Variants in DNAH11 observed in about 807,000 individuals in gnomAD.
DNAH11 encodes the protein axonemal beta dynein heavy chain 11.
A neutral mutation model predicts 526.0 loss-of-function variants in DNAH11; 442 were observed. The ratio of observed to expected loss-of-function variants is 0.84; its 90% CI spans 0.78 to 0.91. The LOEUF is 0.91. Among genes scored for constraint, DNAH11 ranks in the 40% least tolerant of loss-of-function variants. The pLI is 0.00. For synonymous variants in DNAH11, 2,461 were observed against 1,935.9 expected (o/e 1.27, Z -7.12); for missense variants, 6,989 against 5,448.7 (o/e 1.28, Z -8.90).
intron 40 of DNAH11, among the ~76,000 whole-genome samples, chr7:21,710,048 A>T (rs1784404205): frequency 6.6e-6 from 1 of 152,226 alleles, no homozygotes; most frequent in African/African-American, 2.4e-5. Flanking sequence ...TTGTTAAGGA[A>T]TGATGAGTTA....
chr7:21,873,497 A>C lies in DNAH11; in HGVS notation c.12191A>C (p.Asp4064Ala). The change falls in exon 74 of 82, where the codon GAT becomes GCT. Residue 4064 changes from aspartate to alanine, a missense_variant. By Grantham distance (126) the Asp-to-Ala change is moderately radical. Coordinates refer to ENST00000409508, the MANE Select transcript of DNAH11 (RefSeq NM_001277115.2). Reference protein sequence around the residue: ...ANLHAALYNFDQDTLEICSKE... With the variant: ...ANLHAALYNFAQDTLEICSKE... ...TTGCATGCCGCCCTGTACAACTTTG[A>C]TCAGGTAAGAAAGCGAAGCAGGCTA... 1 of 1,613,852 alleles carries C rather than the reference A, an allele frequency of 6.2e-7. No homozygotes were observed. The highest frequency in any genetic ancestry group is 8.5e-7 in the Non-Finnish European group (1 of 1,179,818).
chr7:21,552,710 C>G (rs1783068180), intron 2 of DNAH11, among the ~76,000 whole-genome samples: 1 of 152,136 alleles, frequency 6.6e-6, no homozygotes, highest in South Asian at 2.1e-4. Context: ...CAGCACAGTC[C>G]AGCGGTACCA....
chr7:21,563,307 C>G (rs1783539913), intron 5 of DNAH11, among the ~76,000 whole-genome samples: 1 of 151,924 alleles, frequency 6.6e-6, no homozygotes, highest in Non-Finnish European at 1.5e-5. Flanking sequence ...CTCCCAGGCT[C>G]AAGTGATCCT....
At chr7:21,759,388 A>T (rs1348827267) in intron 54 of DNAH11, among the ~76,000 whole-genome samples, 1 of 152,220 alleles carries the variant, frequency 6.6e-6, no homozygotes, top group Non-Finnish European at 1.5e-5. Context: ...CTGAGTGTGC[A>T]CATGTTGAAG....
intron 6 of DNAH11, 110 bp from the exon 7 acceptor site, chr7:21,569,959 G>A (rs2025188949): frequency 1.2e-6 from 1 of 848,092 alleles, no homozygotes; most frequent in Non-Finnish European, 1.8e-6. Context: ...AGCATTGCTG[G>A]CCCAACTTTA....
intron 74 of DNAH11, among the ~76,000 whole-genome samples, chr7:21,877,235 T>A (rs1236477771): frequency 1.3e-5 from 2 of 152,120 alleles, no homozygotes; most frequent in African/African-American, 4.8e-5. Flanking sequence ...TTTTTTTCTT[T>A]TTTTTGCTCT....
In DNAH11 at chr7:21,901,461, G is replaced by C. The variant is rs1784843159; in HGVS notation, c.*207G>C. 3.4e-6 allele frequency: 2 copies of C among 584,466 alleles called. No homozygotes were observed. Among genetic ancestry groups the C allele is most frequent in the Non-Finnish European group, 5.0e-6 (2 of 403,198 alleles). The allele number at this position is 584,466 out of a possible 1,614,324, so 36.2% of individuals were successfully genotyped here. ...GTGGTGGCACACGACTGTAATCCCAGTTACTCAGGAGGTAGGAGAATCACT... is the reference window on the plus strand; with the variant it reads ...GTGGTGGCACACGACTGTAATCCCACTTACTCAGGAGGTAGGAGAATCACT... On this transcript the variant is annotated 3_prime_UTR_variant, in exon 82 of 82. Transcript: ENST00000409508.
At chr7:21,736,095 G>A (rs1298489639) in intron 46 of DNAH11, among the ~76,000 whole-genome samples, 1 of 152,188 alleles carries the variant, frequency 6.6e-6, no homozygotes, top group African/African-American at 2.4e-5. Flanking sequence ...CATCAATAGT[G>A]TTAATGTGTT....
intron 63 of DNAH11, among the ~76,000 whole-genome samples, chr7:21,814,522 C>T (rs1431789577): frequency 8.1e-6 from 1 of 123,586 alleles, no homozygotes; most frequent in Non-Finnish European, 1.7e-5. Context: ...CCCCTCCCCC[C>T]ACCCCACCAC....
rs1266553022 is a variant in DNAH11, at chr7:21,720,997, A to G, written c.7266+141A>G. On this transcript the variant is annotated intron_variant, in intron 44 of 81. Transcript: ENST00000409508. ...GCCCTGTTCTCTCCTAAGTCTATGC[A>G]TTCTCTGGGTAGTCCCATCCCTGAT... is the stretch of plus-strand genomic sequence containing the variant. 8.2e-6 allele frequency: 9 copies of G among 1,095,744 alleles called. No individual in the cohort carries two copies. In the South Asian group the frequency reaches 1.1e-4, roughly 14 times the overall value. The allele number at this position is 1,095,744 out of a possible 1,614,324, so 67.9% of individuals were successfully genotyped here.
chr7:21,725,791 A>C lies in DNAH11; in HGVS notation c.7267-20A>C. The C allele has an allele frequency of 6.3e-7, 1 of 1,598,462 alleles. No individual in the cohort carries two copies. The highest frequency in any genetic ancestry group is 8.5e-7 in the Non-Finnish European group (1 of 1,171,796). On this transcript the variant is annotated intron_variant, in intron 44 of 81. Transcript: ENST00000409508. The stretch of plus-strand genomic sequence containing the variant: ...TAATTACTTTGAGTCTGCAATAAGG[A>C]TTTCTTTTGTTCTCCTTAGATTTCT...
In DNAH11 at chr7:21,816,660, A is replaced by G; in HGVS notation, c.10526A>G (p.Lys3509Arg). 6.2e-7 allele frequency: 1 copy of G among 1,613,684 alleles called. No individual in the cohort carries two copies. The highest frequency in any genetic ancestry group is 8.5e-7 in the Non-Finnish European group (1 of 1,179,746). Residue 3509 changes from lysine (K) to arginine (R), a missense_variant, in exon 64 of 82, where the codon AAG becomes AGG. By Grantham distance (26) the Lys-to-Arg change is conservative. Coordinates refer to ENST00000409508, the MANE Select transcript of DNAH11 (RefSeq NM_001277115.2). ...CAGGGAATTAAGTGGATCAAGAATA[A>G]GTATGGAATGGACCTGAAAGTCACA... ...QQQGIKWIKN[K>R]YGMDLKVTHL...
intron 55 of DNAH11, among the ~76,000 whole-genome samples, chr7:21,772,055 A>T (rs1406047400): frequency 6.6e-6 from 1 of 152,200 alleles, no homozygotes; most frequent in Admixed American, 6.5e-5. Flanking sequence ...GTCATCAAAG[A>T]GGTCTGTTCT....
At chr7:21,559,041 C>A in intron 3 of DNAH11, 43 bp downstream of exon 3, 1 of 1,514,898 alleles carries the variant, frequency 6.6e-7, no homozygotes, top group Non-Finnish European at 8.9e-7. Flanking sequence ...AAGTAGAGAG[C>A]CAGGCCAGCA....
intron 66 of DNAH11, among the ~76,000 whole-genome samples, chr7:21,852,131 G>A (rs1012983035): frequency 3.3e-5 from 5 of 152,112 alleles, no homozygotes; most frequent in Admixed American, 1.3e-4. Context: ...TTGTCCAGGC[G>A]CAGTGGCTCA....
intron 30 of DNAH11, among the ~76,000 whole-genome samples, chr7:21,669,346 TAA>T (rs1562741610): frequency 6.6e-6 from 1 of 152,160 alleles, no homozygotes; most frequent in Non-Finnish European, 1.5e-5. Context: ...TTAAACATTT[TAA>T]AAATTCTTTT....
intron 62 of DNAH11, among the ~76,000 whole-genome samples, chr7:21,802,459 A>T (rs913721703): frequency 6.6e-6 from 1 of 152,314 alleles, no homozygotes; most frequent in Non-Finnish European, 1.5e-5. Context: ...ACAATCATCT[A>T]CTCATAGGTA....
Position 21,861,968 on chromosome 7 carries a change from G to A in DNAH11, c.11318G>A (p.Ser3773Asn), listed in dbSNP as rs146542817. 6.2e-7 allele frequency: 1 copy of A among 1,613,700 alleles called. No individual in the cohort carries two copies. The change falls in exon 69 of 82, where the codon AGC becomes AAC. Residue 3773 changes from serine (S) to asparagine (N), a missense_variant. Transcript: ENST00000409508. Reference sequence around the variant, plus strand: ...ACCCATGCTGTCTTCCTCTACACCAGCCAGGCGCTGTTTGAGAAGGACAAG... The same window carrying A: ...ACCCATGCTGTCTTCCTCTACACCAACCAGGCGCTGTTTGAGAAGGACAAG... The part of the protein sequence containing the change: ...SITHAVFLYT[S>N]QALFEKDKLT...
intron 28 of DNAH11, among the ~76,000 whole-genome samples, chr7:21,650,291 C>G (rs899162272): frequency 2.6e-5 from 4 of 152,022 alleles, no homozygotes; most frequent in African/African-American, 9.7e-5. Flanking sequence ...AAAAGCAAAT[C>G]TGGATTATGT....
Sources: allele counts gnomAD v4.1 joint callset (sites outside exome capture counted in the v4.1 genomes callset), GRCh38; gene constraint gnomAD v4.1.1; transcripts MANE v1.5; gene names NCBI Gene and HGNC (gene_info 2026-07-23, HGNC 2026-07-21).